The following SAXO4 variants were observed in gnomAD, a reference collection of about 807,000 sequenced individuals.
The protein encoded by SAXO4 is protein phosphatase 1 regulatory subunit 32.
At chr11:61,487,789 A>G in the SAXO4 span, among the ~76,000 whole-genome samples, 9 of 152,110 alleles carry the variant, frequency 5.9e-5, no homozygotes, top group African/African-American at 2.2e-4. Flanking sequence ...CATCCAGCCA[A>G]TGGTTGGTGG....
the SAXO4 span, chr11:61,481,767 G>A: frequency 1.7e-5 from 20 of 1,200,206 alleles, no homozygotes; most frequent in East Asian, 8.5e-5. Flanking sequence ...GAGGCTCCCC[G>A]TGCTTCCTTT....
At chr11:61,482,443 G>A in the SAXO4 span, 3 of 1,605,944 alleles carry the variant, frequency 1.9e-6, no homozygotes, top group Non-Finnish European at 2.6e-6. Flanking sequence ...GGTCTGTATG[G>A]CCCCTTCCCA....
chr11:61,488,123 A>AT, the SAXO4 span, among the ~76,000 whole-genome samples: 1 of 150,656 alleles, frequency 6.6e-6, no homozygotes, highest in Non-Finnish European at 1.5e-5. Context: ...AATAGCTGGG[A>AT]TTACAGGCAT....
At chr11:61,487,358 C>A in the SAXO4 span, 2 of 872,538 alleles carry the variant, frequency 2.3e-6, no homozygotes, top group Non-Finnish European at 3.7e-6. Flanking sequence ...TATGGGTTCC[C>A]CAGAAGCATA....
chr11:61,482,705 C>T, the SAXO4 span: 15 of 1,613,944 alleles, frequency 9.3e-6, no homozygotes, highest in Admixed American at 8.3e-5. Context: ...AGCTACCGCC[C>T]CCTGGAGGTG....
chr11:61,486,643 G>C, the SAXO4 span: 2 of 1,592,736 alleles, frequency 1.3e-6, no homozygotes, highest in South Asian at 2.2e-5. Context: ...TCAGAGAAGG[G>C]AGAAGACAGG....
At chr11:61,483,828 C>T in the SAXO4 span, among the ~76,000 whole-genome samples, 4 of 151,890 alleles carry the variant, frequency 2.6e-5, no homozygotes, top group Admixed American at 1.3e-4. Flanking sequence ...CATGGTGGCA[C>T]GCACCTATAA....
the SAXO4 span, chr11:61,482,294 C>T: frequency 0.014 from 21,907 of 1,610,672 alleles, 1,031 homozygotes; most frequent in South Asian, 0.1. Flanking sequence ...TCTGTCTCCC[C>T]GTTACCCCTC....
At chr11:61,489,521 G>C in the SAXO4 span, 1 of 581,932 alleles carries the variant, frequency 1.7e-6, no homozygotes, top group African/African-American at 1.9e-5. Flanking sequence ...CCACCCCAAG[G>C]TACTGGCAGG....
chr11:61,489,628 C>T, the SAXO4 span: 1 of 733,608 alleles, frequency 1.4e-6, no homozygotes, highest in Non-Finnish European at 2.3e-6. Context: ...GTAAGAGTTC[C>T]CCCAGTGGAC....
the SAXO4 span, chr11:61,484,599 A>C: frequency 6.5e-7 from 1 of 1,536,850 alleles, no homozygotes; most frequent in Admixed American, 2.0e-5. Context: ...TGCTCTGCAG[A>C]TACTGCGCTC....
chr11:61,490,098 T>C, the SAXO4 span: 1 of 750,372 alleles, frequency 1.3e-6, no homozygotes, highest in Non-Finnish European at 2.1e-6. Context: ...CTTCTCCTGC[T>C]AGCACAGGCT....
chr11:61,487,009 G>A, the SAXO4 span: 14 of 1,613,974 alleles, frequency 8.7e-6, no homozygotes, highest in Admixed American at 5.0e-5. Context: ...CCACTTCATC[G>A]GATGCAACAG....
the SAXO4 span, chr11:61,486,673 G>A: frequency 4.8e-6 from 7 of 1,467,400 alleles, no homozygotes; most frequent in Admixed American, 1.7e-5. Flanking sequence ...GGGAAGAGGT[G>A]GCATTTGGGT....
At chr11:61,482,586 G>A in the SAXO4 span, 1 of 1,609,380 alleles carries the variant, frequency 6.2e-7, no homozygotes, top group Non-Finnish European at 8.5e-7. Flanking sequence ...AGGGTGCAGG[G>A]AGGAGGGAAG....
chr11:61,490,469 A>C, the SAXO4 span: 1 of 1,594,110 alleles, frequency 6.3e-7, no homozygotes, highest in Non-Finnish European at 8.6e-7. Flanking sequence ...GCCTGCCAAC[A>C]CCCCCAACAC....
the SAXO4 span, chr11:61,485,894 G>A: frequency 1.2e-6 from 2 of 1,613,690 alleles, no homozygotes; most frequent in Admixed American, 1.7e-5. Context: ...GCCCTCACAG[G>A]CCCTCCCTGG....
the SAXO4 span, chr11:61,487,105 C>T: frequency 1.2e-6 from 2 of 1,612,816 alleles, no homozygotes; most frequent in South Asian, 1.1e-5. Context: ...ATCCCCACCC[C>T]TTCTGACTTG....
At chr11:61,481,848 T>C in the SAXO4 span, 7 of 1,544,692 alleles carry the variant, frequency 4.5e-6, no homozygotes, top group East Asian at 5.0e-5. Context: ...TCTCCCCTTA[T>C]GTGAAGATGA....
Sources: allele counts gnomAD v4.1 joint callset (sites outside exome capture counted in the v4.1 genomes callset), GRCh38; gene constraint gnomAD v4.1.1; transcripts MANE v1.5; gene names NCBI Gene and HGNC (gene_info 2026-07-23, HGNC 2026-07-21).